The following PACRG variants were observed in gnomAD, a reference collection of about 807,000 sequenced individuals.
PACRG encodes parkin coregulated.
A neutral mutation model predicts 29.7 loss-of-function variants in PACRG; 29 were observed. That is an observed-to-expected ratio of 0.98 (90% CI 0.73 to 1.33). PACRG has a LOEUF of 1.33. Among genes scored for constraint, PACRG ranks in the 40% most tolerant of loss-of-function variants. The probability of loss-of-function intolerance (pLI) is 0.00; values close to 1 mark genes in which losing one functional copy is unlikely to be tolerated. For missense variants in PACRG, 279 were observed against 316.2 expected, an observed-to-expected ratio of 0.88 and a Z score of 0.89; for synonymous variants, 116 against 118.7, an observed-to-expected ratio of 0.98 and a Z score of 0.15.
intron 2 of PACRG, among the ~76,000 whole-genome samples, chr6:163,051,045 G>A (rs1011738876): frequency 2.6e-5 from 4 of 152,068 alleles, no homozygotes; most frequent in Non-Finnish European, 5.9e-5. Flanking sequence ...ACCTCCCTGT[G>A]CTGCCTCTGC....
intron 2 of PACRG, among the ~76,000 whole-genome samples, chr6:162,985,306 A>G (rs931065234): frequency 6.6e-6 from 1 of 152,122 alleles, no homozygotes; most frequent in African/African-American, 2.4e-5. Context: ...AAAATCCTCA[A>G]CAAACTACTA....
intron 1 of PACRG, among the ~76,000 whole-genome samples, chr6:162,731,430 G>A (rs1779759599): frequency 6.6e-6 from 1 of 151,784 alleles, no homozygotes; most frequent in Admixed American, 6.6e-5. Flanking sequence ...AAACAATAGA[G>A]CATAGCAACT....
At chr6:163,196,241 G>T (rs1780448455) in intron 4 of PACRG, among the ~76,000 whole-genome samples, 1 of 152,232 alleles carries the variant, frequency 6.6e-6, no homozygotes, top group African/African-American at 2.4e-5. Flanking sequence ...GAGCTACTAT[G>T]ATTGCTGCTC....
At chr6:163,155,922 CCG>C (rs1160722991) in intron 4 of PACRG, among the ~76,000 whole-genome samples, 6 of 152,374 alleles carry the variant, frequency 3.9e-5, no homozygotes, top group Admixed American at 1.3e-4. Context: ...GCTGTTCCCT[CCG>C]TCTGGAATGT....
At chr6:163,024,077 G>A (rs1585030189) in intron 2 of PACRG, among the ~76,000 whole-genome samples, 3 of 152,018 alleles carry the variant, frequency 2.0e-5, no homozygotes, top group East Asian at 3.9e-4. Context: ...GTTTAATTAG[G>A]TACCACTTGT....
At chr6:163,302,244 GTTTGTTTTTTTTTGT>G (rs1562368061) in intron 4 of PACRG, among the ~76,000 whole-genome samples, 3 of 140,974 alleles carry the variant, frequency 2.1e-5, no homozygotes, top group African/African-American at 5.4e-5. Flanking sequence ...TCTTTTTTTT[GTTTGTTTTTTTTTGT>G]TTTTTTTTTT....
chr6:163,034,586 T>C (rs1413433024), intron 2 of PACRG, among the ~76,000 whole-genome samples: 1 of 152,154 alleles, frequency 6.6e-6, no homozygotes, highest in Non-Finnish European at 1.5e-5. Context: ...TTCAATCCCA[T>C]TCTTTACCTG....
intron 1 of PACRG, among the ~76,000 whole-genome samples, chr6:162,752,901 A>G (rs1426082744): frequency 6.6e-6 from 1 of 151,978 alleles, no homozygotes; most frequent in Non-Finnish European, 1.5e-5. Flanking sequence ...TCATTCCACC[A>G]TATACTTTAT....
chr6:162,828,338 C>A (rs1335720633), intron 2 of PACRG, among the ~76,000 whole-genome samples: 2 of 152,168 alleles, frequency 1.3e-5, no homozygotes, highest in Non-Finnish European at 2.9e-5. Flanking sequence ...TTCATTTAAA[C>A]CCCAGTGATC....
chr6:163,172,640 C>G (rs903471026), intron 4 of PACRG, among the ~76,000 whole-genome samples: 1 of 152,182 alleles, frequency 6.6e-6, no homozygotes, highest in Non-Finnish European at 1.5e-5. Flanking sequence ...GAAACACATG[C>G]GAGAACTCAC....
At chr6:163,080,401 T>C (rs1376182046) in intron 3 of PACRG, among the ~76,000 whole-genome samples, 2 of 151,890 alleles carry the variant, frequency 1.3e-5, no homozygotes, top group Non-Finnish European at 2.9e-5. Flanking sequence ...ACAGTGCTGA[T>C]GGGTTTACTC....
At chr6:163,078,460 C>A (rs1428362159) in intron 3 of PACRG, among the ~76,000 whole-genome samples, 1 of 150,066 alleles carries the variant, frequency 6.7e-6, no homozygotes, top group Non-Finnish European at 1.5e-5. Flanking sequence ...CTGCACTGCG[C>A]TCCAGCCTGG....
intron 4 of PACRG, among the ~76,000 whole-genome samples, chr6:163,169,648 T>C (rs1417877139): frequency 1.3e-5 from 2 of 152,134 alleles, no homozygotes; most frequent in African/African-American, 4.8e-5. Context: ...TATCCCAGAT[T>C]AGGAATTAGC....
At chr6:163,312,846 G>A (rs1313518338) in intron 4 of PACRG, 1 of 413,164 alleles carries the variant, frequency 2.4e-6, no homozygotes, top group African/African-American at 2.1e-5. Context: ...TCGACCACCT[G>A]GGCTCAAGTG....
intron 2 of PACRG, among the ~76,000 whole-genome samples, chr6:162,873,959 TACAA>T (rs1278347161): frequency 2.0e-5 from 3 of 152,100 alleles, no homozygotes; most frequent in African/African-American, 7.2e-5. Flanking sequence ...GAAACCAAGC[TACAA>T]ACAGATTTTA....
intron 4 of PACRG, among the ~76,000 whole-genome samples, chr6:163,212,191 T>C (rs760815903): frequency 1.6e-4 from 24 of 152,134 alleles, no homozygotes; most frequent in Non-Finnish European, 2.4e-4. Flanking sequence ...GAAAATACTC[T>C]GGGGTATTGG....
chr6:163,225,425 A>T (rs562653321), intron 4 of PACRG, among the ~76,000 whole-genome samples: 141 of 152,296 alleles, frequency 9.3e-4, no homozygotes, highest in African/African-American at 3.3e-3. Flanking sequence ...CCACCATGTA[A>T]GGTGTATCTC....
chr6:163,107,102 GAAAT>G (rs1466966037), intron 4 of PACRG, among the ~76,000 whole-genome samples: 1 of 152,026 alleles, frequency 6.6e-6, no homozygotes, highest in Non-Finnish European at 1.5e-5. Context: ...GAGAGGGAGA[GAAAT>G]AGATAAAGGA....
chr6:162,879,097 T>A (rs954414939), intron 2 of PACRG, among the ~76,000 whole-genome samples: 1 of 152,194 alleles, frequency 6.6e-6, no homozygotes, highest in African/African-American at 2.4e-5. Flanking sequence ...TCAGTTTATA[T>A]GATGGTCCTC....
Sources: gnomAD v4.1 joint callset for allele counts (sites outside exome capture counted in the v4.1 genomes callset) on GRCh38, gnomAD v4.1.1 for gene constraint, MANE v1.5 for transcripts, NCBI Gene and HGNC (gene_info 2026-07-23, HGNC 2026-07-21) for gene names.